Variants in ZNF738 observed in about 807,000 individuals in gnomAD.
The protein encoded by ZNF738 is protein ZNF738.
A neutral mutation model predicts 9.2 loss-of-function variants in ZNF738; 10 were observed. The observed-to-expected ratio is 1.09, with a 90% CI of 0.67 to 1.85. ZNF738 has a LOEUF of 1.85. Ranked by LOEUF, ZNF738 falls within the 40% of genes most tolerant of loss-of-function variation. The pLI is 0.00. For synonymous variants in ZNF738, 113 were observed against 94.5 expected (o/e 1.20, Z -1.14); for missense variants, 346 against 283.6 (o/e 1.22, Z -1.58).
chr19:21,383,501 G>A lies in ZNF738; in HGVS notation c.955G>A (p.Glu319Lys), dbSNP rs1435233568. The A allele has an allele frequency of 5.9e-6, 5 of 851,040 alleles. No individual in the cohort carries two copies. Among genetic ancestry groups the A allele is most frequent in the Non-Finnish European group, 7.9e-6 (4 of 503,372 alleles). The allele number at this position is 851,040 out of a possible 1,614,324, so 52.7% of individuals were successfully genotyped here. A position where few individuals can be genotyped will look rare whatever the true frequency, so the allele number is the denominator to read the frequency against. Residue 319 changes from glutamate to lysine, a missense_variant, in exon 5 of 5, where the codon GAA (glutamate) becomes AAA (lysine). Physicochemically the swap from Glu to Lys is moderately conservative, Grantham distance 56. Coordinates refer to ENST00000683779, the MANE Select transcript of ZNF738 (RefSeq NM_001355237.2). ...TGCTGGAGAGAAACCCTACAAATGT[G>A]AAGGATGTGGCAAAGCTTTCTGCCA... ...IHAGEKPYKC[E>K]GCGKAFCQFS...
Position 21,387,817 on chromosome 19 carries a change from T to C in ZNF738, c.*4143T>C, listed in dbSNP as rs1346319923. Reference sequence around the variant, plus strand: ...TACCTTTACTTGAATCAAATTTTATTGTACACATTTTGTACTAGAGGAAAA... The same window carrying C: ...TACCTTTACTTGAATCAAATTTTATCGTACACATTTTGTACTAGAGGAAAA... On this transcript the variant is annotated 3_prime_UTR_variant, in exon 5 of 5. Coordinates refer to ENST00000683779, the MANE Select transcript of ZNF738 (RefSeq NM_001355237.2). 6.6e-6 allele frequency among the ~76,000 whole-genome samples: 1 copy of C among 152,238 alleles called. No individual in the cohort carries two copies. Among genetic ancestry groups the C allele is most frequent in the African/African-American group, 2.4e-5 (1 of 41,468 alleles).
Position 21,382,904 on chromosome 19 carries a change from C to A in ZNF738, c.358C>A (p.Pro120Thr), listed in dbSNP as rs780892455. The A allele has an allele frequency of 3.8e-6, 2 of 525,216 alleles. No homozygotes were observed. The highest frequency in any genetic ancestry group is 7.3e-6 in the Non-Finnish European group (2 of 275,554). 32.5% of individuals were successfully genotyped at this position (525,216 alleles called of 1,614,324 possible). The stretch of plus-strand genomic sequence containing the variant: ...TTTTGCCCAGGACCTTTGGCCACAG[C>A]CGGGCATAAAAGATTCTTTCCAAAA... Reference protein sequence around the residue: ...SHFAQDLWPQPGIKDSFQKVI... With the variant: ...SHFAQDLWPQTGIKDSFQKVI... Residue 120 changes from proline to threonine, a missense_variant, in exon 5 of 5, where the codon CCG becomes ACG. Physicochemically the swap from Pro to Thr is conservative, Grantham distance 38 (BLOSUM62 -1). Coordinates refer to ENST00000683779, the MANE Select transcript of ZNF738 (RefSeq NM_001355237.2).
chr19:21,360,493 T>TC (rs1973669757), intron 1 of ZNF738: 1 of 152,870 alleles, frequency 6.5e-6, no homozygotes, highest in African/African-American at 2.4e-5. Flanking sequence ...TCGCTCTGTC[T>TC]CCCAGGCTGG....
At chr19:21,364,373 A>G (rs1351055576) in intron 2 of ZNF738, among the ~76,000 whole-genome samples, 3 of 152,094 alleles carry the variant, frequency 2.0e-5, no homozygotes, top group Admixed American at 6.5e-5. Flanking sequence ...ATTTCAGATC[A>G]GAGAATGTTT....
At chr19:21,377,262 G>A (rs1182993264) in intron 4 of ZNF738, 3 of 492,148 alleles carry the variant, frequency 6.1e-6, no homozygotes, top group South Asian at 5.3e-5. Flanking sequence ...AGCTGAGATC[G>A]TGCCATTGCA....
At chr19:21,364,196 CAAA>C (rs60889988) in intron 2 of ZNF738, among the ~76,000 whole-genome samples, 2 of 89,954 alleles carry the variant, frequency 2.2e-5, no homozygotes, top group Non-Finnish European at 4.1e-5. Context: ...GAATCCGTCT[CAAA>C]AAAAAAAAAA....
chr19:21,381,471 C>G (rs1272587948), intron 4 of ZNF738: 1 of 1,205,646 alleles, frequency 8.3e-7, no homozygotes, highest in Non-Finnish European at 1.2e-6. Context: ...ACTTTTACAC[C>G]TACAAGCTCA....
intron 2 of ZNF738, among the ~76,000 whole-genome samples, chr19:21,365,582 CTCA>C (rs1973765642): frequency 6.6e-6 from 1 of 152,088 alleles, no homozygotes; most frequent in African/African-American, 2.4e-5. Context: ...TCAATCGGAA[CTCA>C]TCAGTATGTG....
chr19:21,368,062 A>G (rs1280116639), intron 2 of ZNF738, among the ~76,000 whole-genome samples: 8 of 152,194 alleles, frequency 5.3e-5, no homozygotes, highest in Admixed American at 3.3e-4. Flanking sequence ...AGTTCTTTCC[A>G]GTTATATTGC....
At position 21,385,429 on chromosome 19, in the gene ZNF738, C is replaced by G. The variant is rs1330421077; in HGVS notation, c.*1755C>G. Among the ~76,000 whole-genome samples the G allele has an allele frequency of 6.6e-6, 1 of 151,232 alleles. No individual in the cohort carries two copies. Among genetic ancestry groups the G allele is most frequent in the Non-Finnish European group, 1.5e-5 (1 of 67,878 alleles). On this transcript the variant is annotated 3_prime_UTR_variant, in exon 5 of 5. Coordinates refer to ENST00000683779, the MANE Select transcript of ZNF738 (RefSeq NM_001355237.2). The stretch of plus-strand genomic sequence containing the variant: ...TGAGATGGCTCCACTGCACTCCAGC[C>G]TGGATGACAGAGAGAGACTCTATCT...
At chr19:21,361,690 AACC>A (rs1358531417) in intron 1 of ZNF738, 73 bp from the exon 2 acceptor site, 6 of 751,648 alleles carry the variant, frequency 8.0e-6, no homozygotes, top group Non-Finnish European at 1.5e-5. Context: ...TCTGGGGATA[AACC>A]GAGATATCTG....
Position 21,361,815 on chromosome 19 carries a change from CT to C in ZNF738, c.54del (p.Ala20LeufsTer16). On this transcript the variant is annotated frameshift_variant, in exon 2 of 5. Coordinates refer to ENST00000683779, the MANE Select transcript of ZNF738 (RefSeq NM_001355237.2). LOFTEE classifies it high-confidence loss of function. ...CCTGTCAAGGGGGCAAGTGGATACC[CT>C]GGGGCTGAGAGGAATCTTCTGGAGT... ...VYPVKGASGY[P>X]GAERNLLEYS... 1.3e-6 allele frequency: 1 copy of C among 780,736 alleles called. No homozygotes were observed. Among genetic ancestry groups the C allele is most frequent in the African/African-American group, 1.7e-5 (1 of 59,206 alleles). 48.4% of individuals were successfully genotyped at this position (780,736 alleles called of 1,614,324 possible). A position where few individuals can be genotyped will look rare whatever the true frequency, so the allele number is the denominator to read the frequency against.
chr19:21,366,936 A>G (rs1474848233), intron 2 of ZNF738, among the ~76,000 whole-genome samples: 6 of 152,076 alleles, frequency 3.9e-5, no homozygotes, highest in African/African-American at 7.2e-5. Flanking sequence ...CTGACCTCCT[A>G]TCTCATCTTG....
chr19:21,371,006 C>T (rs1973848614), intron 2 of ZNF738, among the ~76,000 whole-genome samples: 1 of 152,172 alleles, frequency 6.6e-6, no homozygotes, highest in African/African-American at 2.4e-5. Context: ...TGACCTGCTA[C>T]AGTATGTGAG....
rs111675864 is a variant in ZNF738, at chr19:21,373,682, C to G, written c.97-1556C>G. On this transcript the variant is annotated intron_variant, in intron 2 of 4. Transcript: ENST00000683779. ...CTAGCAGGTAAACAGGTGGTGCTGACGCCTTTTAAGGAATTTTTTCAAGAC... is the reference window on the plus strand; with the variant it reads ...CTAGCAGGTAAACAGGTGGTGCTGAGGCCTTTTAAGGAATTTTTTCAAGAC... Among the ~76,000 whole-genome samples, 967 of 151,940 alleles carry G rather than the reference C, an allele frequency of 6.4e-3. 16 individuals are homozygous for G. The highest frequency in any genetic ancestry group is 0.021 in the African/African-American group (889 of 41,448).
intron 3 of ZNF738, among the ~76,000 whole-genome samples, 177 bp downstream of exon 3, chr19:21,375,541 A>C (rs982343194): frequency 2.0e-5 from 3 of 152,324 alleles, no homozygotes; most frequent in African/African-American, 7.2e-5. Flanking sequence ...GTTTTATCTT[A>C]GCCTGAACTT....
At chr19:21,378,046 A>T (rs1346059055) in intron 4 of ZNF738, 3 of 397,210 alleles carry the variant, frequency 7.6e-6, no homozygotes, top group Non-Finnish European at 1.3e-5. Context: ...GGATTACATA[A>T]AACCTTTAAG....
At chr19:21,376,343 T>A (rs1180049109) in intron 4 of ZNF738, 1 of 163,032 alleles carries the variant, frequency 6.1e-6, no homozygotes, top group Admixed American at 6.3e-5. Flanking sequence ...ACTATTTTTT[T>A]AGTTCTCTTT....
chr19:21,361,230 C>T (rs938957804), intron 1 of ZNF738, among the ~76,000 whole-genome samples: 3 of 152,086 alleles, frequency 2.0e-5, no homozygotes, highest in East Asian at 1.9e-4. Context: ...TTCTGCCTCC[C>T]GGGTTCAGGC....
Sources: gnomAD v4.1 joint callset for allele counts (sites outside exome capture counted in the v4.1 genomes callset) on GRCh38, gnomAD v4.1.1 for gene constraint, MANE v1.5 for transcripts, NCBI Gene and HGNC (gene_info 2026-07-23, HGNC 2026-07-21) for gene names.